The following ZFYVE26 variants were observed in gnomAD, a reference collection of about 807,000 sequenced individuals.
ZFYVE26 encodes the protein zinc finger FYVE-type containing 26.
Under a neutral mutation model 276.5 loss-of-function variants are expected in ZFYVE26, and 181 were observed. That is an observed-to-expected ratio of 0.65 (90% CI 0.58 to 0.74). The LOEUF (loss-of-function observed/expected upper bound fraction) is 0.74. Among genes scored for constraint, ZFYVE26 ranks in the 30% least tolerant of loss-of-function variants. ZFYVE26 has a pLI of 0.00. For synonymous variants in ZFYVE26, 1,129 were observed against 1,203.1 expected (o/e 0.94, Z 1.27); for missense variants, 2,821 against 3,097.9 (o/e 0.91, Z 2.12).
chr14:67,787,367 AAGTT>A (rs1256362903), intron 16 of ZFYVE26, among the ~76,000 whole-genome samples: 1 of 152,142 alleles, frequency 6.6e-6, no homozygotes, highest in Non-Finnish European at 1.5e-5. Context: ...GAAAAAAAAA[AAGTT>A]AGAAACAAGG....
chr14:67,769,440 C>T (rs2033556428), intron 29 of ZFYVE26, among the ~76,000 whole-genome samples, 154 bp downstream of exon 29: 1 of 152,194 alleles, frequency 6.6e-6, no homozygotes, highest in Non-Finnish European at 1.5e-5. Context: ...AGTCAGTGTA[C>T]AAACCCTTCA....
chr14:67,760,942 T>C lies in ZFYVE26; in HGVS notation c.6588+424A>G, dbSNP rs115469290. The C allele has an allele frequency of 5.6e-5, 24 of 425,938 alleles. No individual in the cohort carries two copies. In the East Asian group the frequency reaches 6.1e-4, roughly 11 times the overall value. The allele number at this position is 425,938 out of a possible 1,614,324, so 26.4% of individuals were successfully genotyped here. ...CACCATGGTTACTTCCTGGCCCTTG[T>C]AGTAACAACTCTGAATGGACCAGCA... On this transcript the variant is annotated intron_variant, in intron 35 of 41. Transcript: ENST00000347230.
intron 13 of ZFYVE26, chr14:67,735,193 A>G (rs1484063387): frequency 7.1e-7 from 1 of 1,403,812 alleles, no homozygotes; most frequent in Non-Finnish European, 1.0e-6. Flanking sequence ...CCCCTTGTTC[A>G]GATTCCAGAC....
At chr14:67,758,078 C>A (rs1157222579) in intron 35 of ZFYVE26, among the ~76,000 whole-genome samples, 1 of 152,158 alleles carries the variant, frequency 6.6e-6, no homozygotes, top group African/African-American at 2.4e-5. Flanking sequence ...ATTTAATAAT[C>A]ATCTTGGCAT....
exon 14 of ZFYVE26, chr14:67,729,556 G>C: frequency 1.5e-6 from 1 of 676,268 alleles, no homozygotes; most frequent in Admixed American, 2.3e-5. Context: ...ACAAACTTAT[G>C]TGTTGGGAAG....
chr14:67,802,134 G>C lies in ZFYVE26; in HGVS notation c.1584C>G (p.Leu528=). 3 of 1,614,038 alleles carry C rather than the reference G, an allele frequency of 1.9e-6. No homozygotes were observed. The highest frequency in any genetic ancestry group is 1.7e-6 in the Non-Finnish European group (2 of 1,180,050). ...HSQCQDCKDS[L]SEDLASATEP... ...CTGTAGCTGAGGCCAGGTCCTCAGA[G>C]AGGCTGTCTTTGCAGTCCTGGCACT... Residue 528 remains leucine (L), a synonymous_variant, in exon 10 of 42, where the codon CTC becomes CTG. Transcript: ENST00000347230.
chr14:67,805,812 T>G (rs1204454520), intron 6 of ZFYVE26, among the ~76,000 whole-genome samples, 194 bp from the exon 7 acceptor site: 2 of 152,192 alleles, frequency 1.3e-5, no homozygotes, highest in East Asian at 3.9e-4. Flanking sequence ...GTGGATCACT[T>G]GAGGTCAGGA....
chr14:67,751,783 G>A (rs1479741640), intron 40 of ZFYVE26, among the ~76,000 whole-genome samples: 2 of 152,018 alleles, frequency 1.3e-5, no homozygotes, highest in Non-Finnish European at 2.9e-5. Flanking sequence ...TGAGGCAGGA[G>A]AATGGCGTGA....
intron 13 of ZFYVE26, chr14:67,734,427 G>A (rs910668710): frequency 1.3e-5 from 2 of 154,808 alleles, no homozygotes; most frequent in African/African-American, 4.8e-5. Context: ...AATTTTTAGA[G>A]AAAATAAAGA....
Position 67,757,680 on chromosome 14 carries a change from T to TTCTTTCTTTCTTTCTTTCTC in ZFYVE26, c.6589-1536_6589-1535insGAGAAAGAAAGAAAGAAAGA, listed in dbSNP as rs1555393901. ...TTTCTTTCTTTCTTTCTTTCTTTCTTTCTCTCTCTCTTTCCTTTCTTTCTC... is the reference window on the plus strand; with the variant it reads ...TTTCTTTCTTTCTTTCTTTCTTTCTTTCTTTCTTTCTTTCTTTCTCTCTCTCTCTCTTTCCTTTCTTTCTC... On this transcript the variant is annotated intron_variant, in intron 35 of 41. Transcript: ENST00000347230. Among the ~76,000 whole-genome samples the TTCTTTCTTTCTTTCTTTCTC allele has an allele frequency of 3.5e-5, 5 of 144,884 alleles. No homozygotes were observed. The East Asian group carries it at 9.7e-4, about 28-fold the overall frequency.
intron 31 of ZFYVE26, 96 bp from the exon 32 acceptor site, chr14:67,766,543 C>T: frequency 8.4e-7 from 1 of 1,197,298 alleles, no homozygotes. Flanking sequence ...CTTCCCCTTT[C>T]AAAAGGCTGA....
At chr14:67,789,057 G>A (rs183719590) in intron 16 of ZFYVE26, among the ~76,000 whole-genome samples, 11 of 152,200 alleles carry the variant, frequency 7.2e-5, no homozygotes, top group Non-Finnish European at 1.0e-4. Flanking sequence ...AGAAAGGCAT[G>A]GAGTCTTAAG....
At chr14:67,771,965 G>T in intron 28 of ZFYVE26, 82 bp downstream of exon 28, 2 of 1,525,590 alleles carry the variant, frequency 1.3e-6, no homozygotes, top group Non-Finnish European at 9.0e-7. Flanking sequence ...GGGGACAGGC[G>T]GTGATTGTAA....
intron 32 of ZFYVE26, among the ~76,000 whole-genome samples, chr14:67,765,881 T>C (rs1428275651): frequency 1.3e-5 from 2 of 152,236 alleles, no homozygotes; most frequent in Non-Finnish European, 2.9e-5. Flanking sequence ...ACACATTTTC[T>C]TTAAAAGCCA....
chr14:67,778,260 C>A lies in ZFYVE26; in HGVS notation c.4675-12G>T, dbSNP rs2039402744. ...CACAGTTCATACTCCTGGAAGGAAA[C>A]ACACATGCCTTCAACCCCTTTACAT... is the stretch of plus-strand genomic sequence containing the variant. On this transcript the variant is annotated splice_polypyrimidine_tract_variant and intron_variant, in intron 23 of 41. Coordinates refer to ENST00000347230, the MANE Select transcript of ZFYVE26 (RefSeq NM_015346.4). 6.2e-7 allele frequency: 1 copy of A among 1,614,090 alleles called. No homozygotes were observed. Among genetic ancestry groups the A allele is most frequent in the African/African-American group, 1.3e-5 (1 of 75,048 alleles).
chr14:67,771,921 G>T, intron 28 of ZFYVE26, 126 bp downstream of exon 28: 1 of 1,308,556 alleles, frequency 7.6e-7, no homozygotes, highest in Non-Finnish European at 1.1e-6. Context: ...CAAAGTCTTA[G>T]ATTTGGCAGT....
chr14:67,755,959 G>T lies in ZFYVE26; in HGVS notation c.6775C>A (p.Gln2259Lys), dbSNP rs1262211844. The change falls in exon 36 of 42, where the codon CAG (glutamine) becomes AAG (lysine). Residue 2259 changes from glutamine (Q) to lysine (K), a missense_variant. Coordinates refer to ENST00000347230, the MANE Select transcript of ZFYVE26 (RefSeq NM_015346.4). Reference sequence around the variant, plus strand: ...GGGGCTGCCATTACCTTCATAAACTGCTGCAGCTCATACAGAATGTGGTAG... The same window carrying T: ...GGGGCTGCCATTACCTTCATAAACTTCTGCAGCTCATACAGAATGTGGTAG... ...NYYHILYELQ[Q>K]FMKDQVRAAM... The T allele has an allele frequency of 6.2e-7, 1 of 1,614,236 alleles. No homozygotes were observed. Among genetic ancestry groups the T allele is most frequent in the Non-Finnish European group, 8.5e-7 (1 of 1,180,052 alleles).
At chr14:67,733,763 G>T in intron 13 of ZFYVE26, 1 of 1,612,886 alleles carries the variant, frequency 6.2e-7, no homozygotes, top group South Asian at 1.1e-5. Context: ...AAGAGGACCT[G>T]GGTGTCTCCA....
chr14:67,794,157 G>A lies in ZFYVE26; in HGVS notation c.2401+14C>T, dbSNP rs751943305. ...AAGCTGCTCAAAGTTGGCAACTGGT[G>A]GAAATCTGCATACCTGACGTACTTG... On this transcript the variant is annotated intron_variant, in intron 13 of 41. Transcript: ENST00000347230. The A allele has an allele frequency of 6.2e-7, 1 of 1,613,992 alleles. No homozygotes were observed. The highest frequency in any genetic ancestry group is 8.5e-7 in the Non-Finnish European group (1 of 1,179,834).
Sources: gnomAD v4.1 joint callset for allele counts (sites outside exome capture counted in the v4.1 genomes callset) on GRCh38, gnomAD v4.1.1 for gene constraint, MANE v1.5 for transcripts, NCBI Gene and HGNC (gene_info 2026-07-23, HGNC 2026-07-21) for gene names.